The following VPS37C variants were observed in gnomAD, a reference collection of about 807,000 sequenced individuals.
VPS37C encodes vacuolar protein sorting-associated protein 37C.
VPS37C carries 9 observed loss-of-function variants against 16.1 expected under a neutral mutation model. The observed-to-expected ratio is 0.56, with a 90% confidence interval of 0.34 to 0.97. The LOEUF (loss-of-function observed/expected upper bound fraction) is 0.97. VPS37C is among the 50% of genes least tolerant of loss of function. The pLI, the probability that VPS37C is intolerant of heterozygous loss-of-function variation, is 0.02. For synonymous variants in VPS37C, 207 were observed against 206.4 expected, an observed-to-expected ratio of 1.00 and a Z score of -0.02; for missense variants, 479 against 472.7, an observed-to-expected ratio of 1.01 and a Z score of -0.12.
At chr11:61,135,217 G>A (rs1049499408) in intron 2 of VPS37C, among the ~76,000 whole-genome samples, 9 of 152,238 alleles carry the variant, frequency 5.9e-5, no homozygotes, top group East Asian at 3.8e-4. Context: ...TAGGAAGCCC[G>A]TGGGCATTCT....
chr11:61,132,100 TGTG>T lies in VPS37C; in HGVS notation c.785_787del (p.Pro262del). The T allele has an allele frequency of 7.0e-7, 1 of 1,419,720 alleles. No individual in the cohort carries two copies. Among genetic ancestry groups the T allele is most frequent in the Non-Finnish European group, 9.2e-7 (1 of 1,082,610 alleles). 87.9% of individuals were successfully genotyped at this position (1,419,720 alleles called of 1,614,324 possible). ...GCCCGGCCGGGGTGGCATGCTCCTC[TGTG>T]GGGACCAGGAGTAACCCGCAGCACC... On this transcript the variant is annotated inframe_deletion, in exon 5 of 5. Coordinates refer to ENST00000301765, the MANE Select transcript of VPS37C (RefSeq NM_017966.5).
rs560333251 is a variant in VPS37C, at chr11:61,132,360, T to C, written c.528A>G (p.Pro176=). The part of the protein sequence containing the change: ...LAGDAPPPRP[P]PPVRPVPQGT... ...CCTGGGGGACTGGGCGCACCGGGGG[T>C]GGTGGACGGGGTGGAGGGGCATCGC... The change falls in exon 5 of 5, where the codon CCA becomes CCG. Residue 176 remains proline (P), a synonymous_variant. Coordinates refer to ENST00000301765, the MANE Select transcript of VPS37C (RefSeq NM_017966.5). 2.5e-6 allele frequency: 4 copies of C among 1,574,600 alleles called. No individual in the cohort carries two copies. Among genetic ancestry groups the C allele is most frequent in the African/African-American group, 2.8e-5 (2 of 72,636 alleles).
Position 61,134,177 on chromosome 11 carries a change from C to A in VPS37C, c.124G>T (p.Ala42Ser). Residue 42 changes from alanine to serine, a missense_variant, in exon 3 of 5, where the codon GCA (alanine) becomes TCA (serine). Transcript: ENST00000301765. ...GCCAGGCTCCGGTTGGTGGCCAGTG[C>A]CATCTCCCGTTCCAGCTGTAGGTCC... ...VQDLQLEREMALATNRSLAER... is the reference protein window; with the variant it reads ...VQDLQLEREMSLATNRSLAER... The A allele has an allele frequency of 1.2e-6, 2 of 1,613,890 alleles. No homozygotes were observed. Among genetic ancestry groups the A allele is most frequent in the Non-Finnish European group, 1.7e-6 (2 of 1,179,876 alleles).
At chr11:61,155,312 T>C (rs796237625) in intron 1 of VPS37C, among the ~76,000 whole-genome samples, 19 of 151,964 alleles carry the variant, frequency 1.3e-4, no homozygotes, top group African/African-American at 4.3e-4. Flanking sequence ...AGCAAGACCC[T>C]ATCTCTACAA....
intron 1 of VPS37C, among the ~76,000 whole-genome samples, chr11:61,139,751 T>TTG (rs1861442359): frequency 1.3e-5 from 2 of 151,340 alleles, no homozygotes; most frequent in African/African-American, 4.8e-5. Flanking sequence ...CTTTTTTTTT[T>TTG]TTTTTTTTTT....
intron 1 of VPS37C, among the ~76,000 whole-genome samples, chr11:61,155,591 G>GA (rs894865351): frequency 3.5e-4 from 52 of 148,600 alleles, no homozygotes; most frequent in Admixed American, 1.1e-3. Context: ...TTAAAGCACT[G>GA]AAAAAAAAAA....
intron 1 of VPS37C, among the ~76,000 whole-genome samples, chr11:61,139,237 T>C (rs888449142): frequency 6.6e-6 from 1 of 152,202 alleles, no homozygotes; most frequent in Non-Finnish European, 1.5e-5. Context: ...TGCCCTCTGG[T>C]AGGTGTCTAT....
rs542900670 is a variant in VPS37C at position 61,150,424 on chromosome 11, C to T, written c.-7+10967G>A. Among the ~76,000 whole-genome samples, 14 of 152,206 alleles carry T rather than the reference C, an allele frequency of 9.2e-5. 1 individual carries two copies. In the South Asian group the frequency reaches 2.3e-3, roughly 25 times the overall value. On this transcript the variant is annotated intron_variant, in intron 1 of 4. Coordinates refer to ENST00000301765, the MANE Select transcript of VPS37C (RefSeq NM_017966.5). ...TCTTGCCCCCCTCCTCCCCTCACCG[C>T]CCCCACCTGTCAATGGGTGGCGGCG...
At chr11:61,142,767 G>C (rs937403894) in intron 1 of VPS37C, among the ~76,000 whole-genome samples, 4 of 130,926 alleles carry the variant, frequency 3.1e-5, no homozygotes, top group Non-Finnish European at 4.6e-5. Flanking sequence ...CACACTTTGA[G>C]AGCCACTGGT....
At position 61,131,616 on chromosome 11, in the gene VPS37C, AG is replaced by A; in HGVS notation, c.*203del. Reference sequence around the variant, plus strand: ...CCAGGCACTGAAAGGAGGGGCTTCCAGGAGGACCTCTGGCCAGAAGGCCAGC... The same window carrying A: ...CCAGGCACTGAAAGGAGGGGCTTCCAGAGGACCTCTGGCCAGAAGGCCAGC... On this transcript the variant is annotated 3_prime_UTR_variant, in exon 5 of 5. Transcript: ENST00000301765. The A allele has an allele frequency of 2.9e-5, 20 of 680,300 alleles. No individual in the cohort carries two copies. Among genetic ancestry groups the A allele is most frequent in the Non-Finnish European group, 4.1e-5 (20 of 484,704 alleles). 42.1% of individuals were successfully genotyped at this position (680,300 alleles called of 1,614,324 possible).
At chr11:61,140,266 G>A (rs1463759473) in intron 1 of VPS37C, among the ~76,000 whole-genome samples, 1 of 152,120 alleles carries the variant, frequency 6.6e-6, no homozygotes, top group South Asian at 2.1e-4. Context: ...TTCCCCATTT[G>A]CAGTAGGAAG....
intron 2 of VPS37C, among the ~76,000 whole-genome samples, chr11:61,134,482 T>C (rs1332855778): frequency 2.0e-5 from 3 of 152,190 alleles, no homozygotes; most frequent in African/African-American, 4.8e-5. Context: ...GGCCATGTGA[T>C]TGATATCCAT....
intron 1 of VPS37C, among the ~76,000 whole-genome samples, chr11:61,159,324 T>C (rs1210152787): frequency 6.6e-6 from 1 of 152,202 alleles, no homozygotes; most frequent in African/African-American, 2.4e-5. Context: ...TGTTAATAGA[T>C]TTCTGGGCCC....
chr11:61,132,537 G>A lies in VPS37C; in HGVS notation c.351C>T (p.Ala117=). The change falls in exon 5 of 5, where the codon GCC becomes GCT. Residue 117 remains alanine (A), a splice_region_variant and synonymous_variant. Coordinates refer to ENST00000301765, the MANE Select transcript of VPS37C (RefSeq NM_017966.5). ...CGCCCTCCAGGAACTTCTCAGCCAT[G>A]GCCTGGAAGACATAAGGTCCAGTGA... ...EGMKIEEESE[A]MAEKFLEGEV... The A allele has an allele frequency of 1.9e-6, 3 of 1,590,112 alleles. No homozygotes were observed. Among genetic ancestry groups the A allele is most frequent in the Non-Finnish European group, 2.6e-6 (3 of 1,167,344 alleles).
intron 1 of VPS37C, among the ~76,000 whole-genome samples, chr11:61,147,494 C>T (rs905036901): frequency 3.9e-5 from 6 of 152,134 alleles, no homozygotes; most frequent in African/African-American, 1.4e-4. Flanking sequence ...GCGCCACGTC[C>T]CCAGCAAGGA....
At chr11:61,140,470 T>C (rs1861457402) in intron 1 of VPS37C, among the ~76,000 whole-genome samples, 1 of 151,300 alleles carries the variant, frequency 6.6e-6, no homozygotes, top group African/African-American at 2.4e-5. Context: ...AGACCAGTAT[T>C]TGTTATGTCT....
chr11:61,143,112 C>A (rs546166672), intron 1 of VPS37C, among the ~76,000 whole-genome samples: 13 of 151,768 alleles, frequency 8.6e-5, no homozygotes, highest in African/African-American at 2.9e-4. Context: ...GAGCGGCGTG[C>A]GGAACACAGT....
rs868092498 is a variant in VPS37C at position 61,139,425 on chromosome 11, T to A, written c.-6-590A>T. ...TGTGCCACCAAAATGGACTGTCATA[T>A]GCGCATCCTCATAGAAGCAGGAAAA... is the stretch of plus-strand genomic sequence containing the variant. On this transcript the variant is annotated intron_variant, in intron 1 of 4. Coordinates refer to ENST00000301765, the MANE Select transcript of VPS37C (RefSeq NM_017966.5). 2.7e-5 allele frequency among the ~76,000 whole-genome samples: 4 copies of A among 148,270 alleles called. No individual in the cohort carries two copies. In the Middle Eastern group the frequency reaches 0.01, roughly 383 times the overall value.
chr11:61,152,771 G>T (rs938290737), intron 1 of VPS37C, among the ~76,000 whole-genome samples: 1 of 152,178 alleles, frequency 6.6e-6, no homozygotes, highest in Non-Finnish European at 1.5e-5. Flanking sequence ...GTAAGACAGG[G>T]ATCCTGCCCG....
Sources: allele counts gnomAD v4.1 joint callset (sites outside exome capture counted in the v4.1 genomes callset), GRCh38; gene constraint gnomAD v4.1.1; transcripts MANE v1.5; gene names NCBI Gene and HGNC (gene_info 2026-07-23, HGNC 2026-07-21).